Variants in RFX3 observed in about 807,000 individuals in gnomAD.
RFX3 encodes the protein regulatory factor X3.
A neutral mutation model predicts 98.6 loss-of-function variants in RFX3; 14 were observed. The observed-to-expected ratio is 0.14, with a 90% confidence interval of 0.09 to 0.22. The LOEUF is 0.22. RFX3 is among the 10% of genes least tolerant of loss of function. RFX3 has a pLI of 1.00. For missense variants in RFX3, 639 were observed against 926.9 expected (o/e 0.69, Z 4.03); for synonymous variants, 383 against 328.4 (o/e 1.17, Z -1.80).
chr9:3,408,297 TC>T (rs896496823), intron 1 of RFX3, among the ~76,000 whole-genome samples: 1 of 152,124 alleles, frequency 6.6e-6, no homozygotes, highest in Non-Finnish European at 1.5e-5. Flanking sequence ...AAGACACTGT[TC>T]AGGGTAATAA....
chr9:3,330,089 C>T (rs368547047), intron 4 of RFX3, among the ~76,000 whole-genome samples, 170 bp downstream of exon 4: 1 of 152,168 alleles, frequency 6.6e-6, no homozygotes, highest in Non-Finnish European at 1.5e-5. Context: ...GTATCAGTAA[C>T]ATTCTGCATA....
At chr9:3,316,521 G>A (rs1262858152) in intron 4 of RFX3, among the ~76,000 whole-genome samples, 1 of 152,184 alleles carries the variant, frequency 6.6e-6, no homozygotes, top group Non-Finnish European at 1.5e-5. Flanking sequence ...GGAAGTTCTG[G>A]CCATGGCAAT....
chr9:3,360,476 T>C (rs993230893), intron 2 of RFX3, among the ~76,000 whole-genome samples: 1 of 152,120 alleles, frequency 6.6e-6, no homozygotes, highest in South Asian at 2.1e-4. Flanking sequence ...AGTCTGACTG[T>C]AATAACATTC....
At chr9:3,245,605 T>G (rs589085) in intron 15 of RFX3, among the ~76,000 whole-genome samples, 134,147 of 152,176 alleles carry the variant, frequency 0.88, 59,516 homozygotes, top group East Asian at 0.98. Context: ...AAAAAAAGAA[T>G]GCTCACGTGT....
intron 2 of RFX3, among the ~76,000 whole-genome samples, chr9:3,352,822 C>T (rs1199969081): frequency 6.6e-6 from 1 of 151,966 alleles, no homozygotes; most frequent in Non-Finnish European, 1.5e-5. Context: ...AGAACAGGAA[C>T]AGAGAAACTA....
At chr9:3,377,493 C>T (rs978851095) in intron 2 of RFX3, among the ~76,000 whole-genome samples, 1 of 152,060 alleles carries the variant, frequency 6.6e-6, no homozygotes, top group Non-Finnish European at 1.5e-5. Context: ...ACATAAATGA[C>T]AAGTTAATGG....
At chr9:3,325,741 A>T (rs1277564607) in intron 4 of RFX3, among the ~76,000 whole-genome samples, 1 of 152,162 alleles carries the variant, frequency 6.6e-6, no homozygotes, top group Non-Finnish European at 1.5e-5. Flanking sequence ...GAGCACCAAA[A>T]AAAATCACTA....
intron 1 of RFX3, among the ~76,000 whole-genome samples, chr9:3,485,726 T>A (rs1850206208): frequency 6.6e-6 from 1 of 152,198 alleles, no homozygotes. Flanking sequence ...ACATGCATCA[T>A]CTTTAGTTAT....
At chr9:3,504,768 A>C (rs1440631191) in intron 1 of RFX3, among the ~76,000 whole-genome samples, 1 of 84,708 alleles carries the variant, frequency 1.2e-5, no homozygotes, top group Non-Finnish European at 1.9e-5. Flanking sequence ...TATATGCTAT[A>C]TGTATATATT....
At chr9:3,500,884 G>T (rs559765388) in intron 1 of RFX3, among the ~76,000 whole-genome samples, 217 of 152,244 alleles carry the variant, frequency 1.4e-3, no homozygotes, top group African/African-American at 5.1e-3. Context: ...TTAAGGATCT[G>T]ATCTTAAAGA....
At chr9:3,292,383 A>G (rs1381581331) in intron 6 of RFX3, among the ~76,000 whole-genome samples, 1 of 152,174 alleles carries the variant, frequency 6.6e-6, no homozygotes, top group African/African-American at 2.4e-5. Context: ...AGGAAGAAAA[A>G]CCAGAAACAA....
intron 1 of RFX3, among the ~76,000 whole-genome samples, chr9:3,521,108 G>A (rs538281695): frequency 6.6e-6 from 1 of 152,174 alleles, no homozygotes; most frequent in Non-Finnish European, 1.5e-5. Context: ...ATGTAAAAGT[G>A]TTATAAGAAT....
intron 1 of RFX3, among the ~76,000 whole-genome samples, chr9:3,461,061 T>C (rs1324734565): frequency 6.6e-5 from 10 of 150,956 alleles, no homozygotes; most frequent in Non-Finnish European, 1.3e-4. Context: ...TATTTCTTAT[T>C]TTCTTTCTCA....
Position 3,224,917 on chromosome 9 carries a change from C to A in RFX3, c.*125G>T. The A allele has an allele frequency of 1.0e-6, 1 of 967,014 alleles. No homozygotes were observed. Among genetic ancestry groups the A allele is most frequent in the South Asian group, 1.6e-5 (1 of 60,730 alleles). 59.9% of individuals were successfully genotyped at this position (967,014 alleles called of 1,614,324 possible). On this transcript the variant is annotated 3_prime_UTR_variant, in exon 17 of 17. Coordinates refer to ENST00000617270, the MANE Select transcript of RFX3 (RefSeq NM_001282116.2). Reference sequence around the variant, plus strand: ...ATACACCCATTCCATTTCACAACTCCAAAAAGTTAATGTTCAGCACAGATA... The same window carrying A: ...ATACACCCATTCCATTTCACAACTCAAAAAAGTTAATGTTCAGCACAGATA...
chr9:3,257,289 A>T (rs1586766092), intron 13 of RFX3, 90 bp from the exon 14 acceptor site: 1 of 1,017,788 alleles, frequency 9.8e-7, no homozygotes, highest in African/African-American at 1.6e-5. Context: ...AAGAACAGAA[A>T]ATTATAATAA....
At chr9:3,276,545 C>T (rs1825249148) in intron 8 of RFX3, among the ~76,000 whole-genome samples, 1 of 152,086 alleles carries the variant, frequency 6.6e-6, no homozygotes. Flanking sequence ...GACCAAAGGT[C>T]CACAAGAATA....
rs140611428 is a variant in RFX3, at chr9:3,366,435, G to C, written c.118-19671C>G. On this transcript the variant is annotated intron_variant, in intron 2 of 16. Coordinates refer to ENST00000617270, the MANE Select transcript of RFX3 (RefSeq NM_001282116.2). ...TGGTTTTAGAGTACTCCATAGTATA[G>C]ACGAAGCTTAACTTATTTAACTATT... 5.1e-3 allele frequency among the ~76,000 whole-genome samples: 770 copies of C among 152,260 alleles called. 5 individuals carry two copies. Among genetic ancestry groups the C allele is most frequent in the African/African-American group, 0.018 (736 of 41,544 alleles).
At chr9:3,317,731 A>C (rs974126331) in intron 4 of RFX3, among the ~76,000 whole-genome samples, 2 of 152,242 alleles carry the variant, frequency 1.3e-5, no homozygotes, top group Non-Finnish European at 2.9e-5. Context: ...GACACTTCTC[A>C]AAAGAAGACA....
intron 3 of RFX3, among the ~76,000 whole-genome samples, chr9:3,343,869 C>G (rs1361199571): frequency 6.6e-6 from 1 of 152,166 alleles, no homozygotes; most frequent in Non-Finnish European, 1.5e-5. Context: ...CAAATGACCT[C>G]ATGACCTAGA....
Sources: allele counts gnomAD v4.1 joint callset (sites outside exome capture counted in the v4.1 genomes callset), GRCh38; gene constraint gnomAD v4.1.1; transcripts MANE v1.5; gene names NCBI Gene and HGNC (gene_info 2026-07-23, HGNC 2026-07-21).